The following ERAP1 variants were observed in gnomAD, a reference collection of about 807,000 sequenced individuals.
ERAP1 encodes endoplasmic reticulum aminopeptidase 1, also known as adipocyte-derived leucine aminopeptidase.
In ERAP1, 86 loss-of-function variants were observed where a neutral mutation model predicts 103.7. The observed-to-expected ratio is 0.83, with a 90% CI of 0.70 to 0.99. The LOEUF (loss-of-function observed/expected upper bound fraction) is 0.99. Ranked by LOEUF, ERAP1 falls within the 50% of genes least tolerant of loss-of-function variation. The pLI, the probability that ERAP1 is intolerant of heterozygous loss-of-function variation, is 0.00. For missense variants in ERAP1, 1,009 were observed against 1,128.4 expected (o/e 0.89, Z 1.52); for synonymous variants, 398 against 402.4 (o/e 0.99, Z 0.13).
the ERAP1 span, among the ~76,000 whole-genome samples, chr5:96,828,411 T>C: frequency 1.2e-4 from 19 of 152,172 alleles, no homozygotes; most frequent in African/African-American, 3.4e-4. Flanking sequence ...TTGGTATCAG[T>C]CTTTCAAATA....
downstream of ERAP1, chr5:96,770,259 G>A (rs974683205): frequency 4.9e-6 from 2 of 408,268 alleles, no homozygotes; most frequent in African/African-American, 4.0e-5. Context: ...GTTTTGATTA[G>A]CAAAATAAGG....
chr5:96,866,959 C>T, the ERAP1 span, among the ~76,000 whole-genome samples: 1 of 151,972 alleles, frequency 6.6e-6, no homozygotes, highest in East Asian at 1.9e-4. Context: ...TGCTTATTTC[C>T]CTCCTTCTCT....
chr5:96,859,152 A>G, the ERAP1 span, among the ~76,000 whole-genome samples: 1 of 151,760 alleles, frequency 6.6e-6, no homozygotes, highest in African/African-American at 2.4e-5. Context: ...CTAAGTAATT[A>G]GCACAAGGCC....
chr5:96,809,592 G>C (rs937823842), upstream of ERAP1, among the ~76,000 whole-genome samples: 2 of 151,912 alleles, frequency 1.3e-5, no homozygotes, highest in African/African-American at 4.8e-5. Context: ...ATAATATAAA[G>C]ATTAACACCC....
the ERAP1 span, among the ~76,000 whole-genome samples, chr5:96,899,586 T>C: frequency 6.6e-6 from 1 of 152,244 alleles, no homozygotes. Flanking sequence ...GTTGGTACTT[T>C]TCTTAATTCT....
chr5:96,903,262 C>T, the ERAP1 span: 1 of 814,086 alleles, frequency 1.2e-6, no homozygotes, highest in Non-Finnish European at 1.9e-6. Flanking sequence ...ATGACTCTCC[C>T]CAAACTTCAT....
chr5:96,775,468 C>G lies in ERAP1; in HGVS notation c.*928G>C. 1 of 985,556 alleles carries G rather than the reference C, an allele frequency of 1.0e-6. No individual in the cohort carries two copies. The highest frequency in any genetic ancestry group is 5.2e-4 in the Middle Eastern group (1 of 1,914). 61.1% of individuals were successfully genotyped at this position (985,556 alleles called of 1,614,324 possible). A position where few individuals can be genotyped will look rare whatever the true frequency, so the allele number is the denominator to read the frequency against. ...ATCACCTCCCTAAGAAAAGGGTTTT[C>G]CTACAGACTTGAATGCACTCTGCTT... On this transcript the variant is annotated 3_prime_UTR_variant, in exon 19 of 19. Transcript: ENST00000443439.
At position 96,803,743 on chromosome 5, in the gene ERAP1, G is replaced by C; in HGVS notation, c.184C>G (p.His62Asp). Residue 62 changes from histidine (H) to aspartate (D), a missense_variant, in exon 2 of 19, where the codon CAT becomes GAT. Coordinates refer to ENST00000443439, the MANE Select transcript of ERAP1 (RefSeq NM_001040458.3). ...IRLPEYVIPV[H>D]YDLLIHANLT... ...TTTGCATGGATCAAGAGATCATAAT[G>C]AACTGGGATGACGTACTCAGGAAGT... is the stretch of plus-strand genomic sequence containing the variant. 1.2e-6 allele frequency: 2 copies of C among 1,614,198 alleles called. No homozygotes were observed. The highest frequency in any genetic ancestry group is 1.7e-6 in the Non-Finnish European group (2 of 1,180,034).
chr5:96,822,947 A>G, the ERAP1 span: 3 of 423,594 alleles, frequency 7.1e-6, no homozygotes, highest in Non-Finnish European at 1.4e-5. Flanking sequence ...CTGAGGCATG[A>G]CTGGAGAGGG....
chr5:96,783,856 TACACACAC>T, intron 14 of ERAP1, 60 bp downstream of exon 14: 1 of 351,760 alleles, frequency 2.8e-6, no homozygotes, highest in East Asian at 1.3e-4. Context: ...CACACACACA[TACACACAC>T]AATGATTAAC....
chr5:96,887,412 T>C, the ERAP1 span, among the ~76,000 whole-genome samples: 1 of 151,618 alleles, frequency 6.6e-6, no homozygotes, highest in African/African-American at 2.4e-5. Context: ...GCAATTCTCC[T>C]GCCTCAGCCT....
chr5:96,789,155 G>GT (rs1302368541), intron 10 of ERAP1, among the ~76,000 whole-genome samples: 1 of 152,194 alleles, frequency 6.6e-6, no homozygotes, highest in Non-Finnish European at 1.5e-5. Flanking sequence ...AAAAGGAGCT[G>GT]TTTTTTGATA....
At chr5:96,917,293 T>C in the ERAP1 span, among the ~76,000 whole-genome samples, 3 of 152,022 alleles carry the variant, frequency 2.0e-5, no homozygotes, top group Non-Finnish European at 4.4e-5. Context: ...TTGTTGTTGT[T>C]ATTTTTTGTA....
At chr5:96,892,401 C>A in the ERAP1 span, 3 of 1,614,064 alleles carry the variant, frequency 1.9e-6, no homozygotes, top group Non-Finnish European at 2.5e-6. Context: ...ACCTCTTCTG[C>A]TTCCGATAAA....
chr5:96,863,046 T>C, the ERAP1 span, among the ~76,000 whole-genome samples: 1 of 151,488 alleles, frequency 6.6e-6, no homozygotes, highest in South Asian at 2.1e-4. Context: ...GATTCACTTA[T>C]TTTTTTTTAC....
At chr5:96,806,530 TG>T (rs1291919053) in intron 1 of ERAP1, among the ~76,000 whole-genome samples, 1 of 152,170 alleles carries the variant, frequency 6.6e-6, no homozygotes, top group Non-Finnish European at 1.5e-5. Flanking sequence ...GAACCATTCA[TG>T]TAACTTTGCT....
intron 3 of ERAP1, 68 bp downstream of exon 3, chr5:96,800,794 T>C (rs1294968626): frequency 1.3e-6 from 2 of 1,558,010 alleles, no homozygotes; most frequent in East Asian, 2.2e-5. Context: ...TGACTGTCAC[T>C]GGGCTAGTGC....
chr5:96,856,594 G>A, the ERAP1 span, among the ~76,000 whole-genome samples: 1 of 151,974 alleles, frequency 6.6e-6, no homozygotes, highest in East Asian at 1.9e-4. Flanking sequence ...ACTGTTCTCA[G>A]TAATTACTTA....
At position 96,776,312 on chromosome 5, in the gene ERAP1, C is replaced by A; in HGVS notation, c.*84G>T. ...GGAAAAAAGTATCTCCAGTTGGAGC[C>A]AAAACAGCCATCTCTAGTTTGAAAA... On this transcript the variant is annotated 3_prime_UTR_variant, in exon 19 of 19. Coordinates refer to ENST00000443439, the MANE Select transcript of ERAP1 (RefSeq NM_001040458.3). 6.4e-7 allele frequency: 1 copy of A among 1,550,546 alleles called. No individual in the cohort carries two copies.
Sources: gnomAD v4.1 joint callset for allele counts (sites outside exome capture counted in the v4.1 genomes callset) on GRCh38, gnomAD v4.1.1 for gene constraint, MANE v1.5 for transcripts, NCBI Gene and HGNC (gene_info 2026-07-23, HGNC 2026-07-21) for gene names.